SUGCT: variants seen among roughly 807,000 people sequenced by gnomAD.
The protein encoded by SUGCT is succinyl-CoA:glutarate-CoA transferase, also known as succinyl-CoA:glutarate CoA-transferase.
A neutral mutation model predicts 55.0 loss-of-function variants in SUGCT; 41 were observed. That is an observed-to-expected ratio of 0.74 (90% CI 0.58 to 0.97). The LOEUF is 0.97. Among genes scored for constraint, SUGCT ranks in the 50% least tolerant of loss-of-function variants. The pLI, the probability that SUGCT is intolerant of heterozygous loss-of-function variation, is 0.00. For missense variants in SUGCT, 568 were observed against 547.8 expected, an observed-to-expected ratio of 1.04 and a Z score of -0.37; for synonymous variants, 187 against 200.4, an observed-to-expected ratio of 0.93 and a Z score of 0.56.
At chr7:40,355,185 C>T (rs1797832116) in intron 9 of SUGCT, among the ~76,000 whole-genome samples, 1 of 152,172 alleles carries the variant, frequency 6.6e-6, no homozygotes, top group Non-Finnish European at 1.5e-5. Context: ...ATTCTTGAGC[C>T]ATGGGAAGGA....
At chr7:40,442,233 T>G (rs1392533616) in intron 9 of SUGCT, among the ~76,000 whole-genome samples, 4 of 152,146 alleles carry the variant, frequency 2.6e-5, no homozygotes, top group Non-Finnish European at 5.9e-5. Flanking sequence ...TTCATTACTC[T>G]TAAAAGGCAG....
chr7:40,389,220 C>A (rs546152373), intron 9 of SUGCT, among the ~76,000 whole-genome samples: 1 of 152,190 alleles, frequency 6.6e-6, no homozygotes, highest in South Asian at 2.1e-4. Context: ...GAGGCCGAGG[C>A]AGGTGGATTG....
At chr7:40,472,227 CAA>C (rs895621898) in intron 11 of SUGCT, among the ~76,000 whole-genome samples, 1 of 152,024 alleles carries the variant, frequency 6.6e-6, no homozygotes, top group Non-Finnish European at 1.5e-5. Flanking sequence ...AAGATAAAGA[CAA>C]TGATAAGTAC....
chr7:40,175,236 T>G (rs1427550444), intron 1 of SUGCT, among the ~76,000 whole-genome samples: 1 of 151,988 alleles, frequency 6.6e-6, no homozygotes, highest in African/African-American at 2.4e-5. Context: ...TTTTTTTTTT[T>G]CGAGACAGAG....
chr7:40,290,166 A>G (rs923544012), intron 8 of SUGCT, among the ~76,000 whole-genome samples: 3 of 152,180 alleles, frequency 2.0e-5, no homozygotes, highest in Admixed American at 2.0e-4. Flanking sequence ...TTTAAAGTTC[A>G]TATGGAACCA....
chr7:40,487,078 C>CTT (rs745766266), intron 11 of SUGCT, among the ~76,000 whole-genome samples: 8,295 of 93,754 alleles, frequency 0.088, 785 homozygotes, highest in Non-Finnish European at 0.11. Context: ...TGATTTCAAT[C>CTT]TTTTTTTTTT....
At chr7:40,562,292 C>A (rs1225472588) in intron 12 of SUGCT, among the ~76,000 whole-genome samples, 1 of 143,142 alleles carries the variant, frequency 7.0e-6, no homozygotes, top group Non-Finnish European at 1.5e-5. Context: ...GAGCGAGATT[C>A]CGTCTCAAAA....
At chr7:40,187,935 C>T (rs1262662013) in intron 3 of SUGCT, among the ~76,000 whole-genome samples, 2 of 151,802 alleles carry the variant, frequency 1.3e-5, no homozygotes, top group South Asian at 2.1e-4. Context: ...GAGGCTGAGG[C>T]GGGTGGATCA....
At chr7:40,571,880 T>C (rs1417706873) in intron 12 of SUGCT, among the ~76,000 whole-genome samples, 1 of 152,230 alleles carries the variant, frequency 6.6e-6, no homozygotes, top group Admixed American at 6.5e-5. Context: ...AACACTTACA[T>C]AGAAATGAAA....
downstream of SUGCT, among the ~76,000 whole-genome samples, chr7:40,864,513 G>A (rs4050954): frequency 0.33 from 50,759 of 151,898 alleles, 9,550 homozygotes; most frequent in East Asian, 0.82. Flanking sequence ...GTGGGTTTAG[G>A]GGAGCAGAAG....
chr7:40,835,125 G>A (rs894989377), intron 13 of SUGCT, among the ~76,000 whole-genome samples: 2 of 152,194 alleles, frequency 1.3e-5, no homozygotes, highest in African/African-American at 4.8e-5. Flanking sequence ...TAGTCCAACT[G>A]AGGAACTGAA....
chr7:40,244,265 C>T (rs1182966462), intron 7 of SUGCT, among the ~76,000 whole-genome samples: 2 of 152,120 alleles, frequency 1.3e-5, no homozygotes, highest in Admixed American at 1.3e-4. Context: ...TGCATGGTGC[C>T]TGGAAAGATA....
intron 12 of SUGCT, among the ~76,000 whole-genome samples, chr7:40,545,269 T>C (rs1794928686): frequency 6.6e-6 from 1 of 152,226 alleles, no homozygotes; most frequent in Non-Finnish European, 1.5e-5. Flanking sequence ...ATTCGGTATT[T>C]CTCAGTGAAG....
chr7:40,328,346 T>C (rs768125171), intron 9 of SUGCT, among the ~76,000 whole-genome samples: 1 of 152,200 alleles, frequency 6.6e-6, no homozygotes, highest in Non-Finnish European at 1.5e-5. Context: ...TATTAACAGT[T>C]CCATCTATTT....
the SUGCT span, among the ~76,000 whole-genome samples, chr7:41,027,757 G>A: frequency 6.6e-6 from 1 of 152,094 alleles, no homozygotes; most frequent in South Asian, 2.1e-4. Context: ...ACATAACAGG[G>A]ACATATTTAA....
intron 9 of SUGCT, among the ~76,000 whole-genome samples, chr7:40,336,672 A>T (rs186881921): frequency 2.6e-4 from 39 of 151,802 alleles, no homozygotes; most frequent in Non-Finnish European, 4.3e-4. Flanking sequence ...GCGGTCTGTC[A>T]ATTTTGTTGA....
the SUGCT span, among the ~76,000 whole-genome samples, chr7:40,885,192 G>A: frequency 0.015 from 2,286 of 152,120 alleles, 58 homozygotes; most frequent in African/African-American, 0.052. Flanking sequence ...AAGCAGAAAA[G>A]GCTGTAATAC....
At chr7:40,194,838 T>G in intron 5 of SUGCT, 102 bp from the exon 6 acceptor site, 2 of 1,345,736 alleles carry the variant, frequency 1.5e-6, no homozygotes, top group Non-Finnish European at 2.0e-6. Flanking sequence ...CTGTGATTTT[T>G]CTGAGCTATT....
chr7:41,005,828 G>A, the SUGCT span, among the ~76,000 whole-genome samples: 1 of 152,166 alleles, frequency 6.6e-6, no homozygotes, highest in Non-Finnish European at 1.5e-5. Context: ...TTCTAAGCCA[G>A]TTTCCCCATC....
Sources: allele counts gnomAD v4.1 joint callset (sites outside exome capture counted in the v4.1 genomes callset), GRCh38; gene constraint gnomAD v4.1.1; transcripts MANE v1.5; gene names NCBI Gene and HGNC (gene_info 2026-07-23, HGNC 2026-07-21).